The following PLEKHA7 variants were observed in gnomAD, a reference collection of about 807,000 sequenced individuals.
PLEKHA7 encodes the protein pleckstrin homology domain-containing family A member 7.
PLEKHA7 carries 104 observed loss-of-function variants against 170.0 expected under a neutral mutation model. The ratio of observed to expected loss-of-function variants is 0.61; its 90% CI spans 0.52 to 0.72. The LOEUF (loss-of-function observed/expected upper bound fraction) is 0.72. Among genes scored for constraint, PLEKHA7 ranks in the 30% least tolerant of loss-of-function variants. PLEKHA7 has a pLI of 0.00. For synonymous variants in PLEKHA7, 648 were observed against 660.8 expected (o/e 0.98, Z 0.30); for missense variants, 1,615 against 1,671.7 (o/e 0.97, Z 0.59).
intron 4 of PLEKHA7, among the ~76,000 whole-genome samples, chr11:16,866,697 G>T (rs1044963185): frequency 6.6e-6 from 1 of 152,200 alleles, no homozygotes; most frequent in Non-Finnish European, 1.5e-5. Flanking sequence ...TGAAGATTTT[G>T]TTTGTTGTTA....
At position 16,838,837 on chromosome 11, in the gene PLEKHA7, C is replaced by A. The variant is rs1851735818; in HGVS notation, c.872+2710G>T. On this transcript the variant is annotated intron_variant, in intron 9 of 26. Transcript: ENST00000531066. ...GAGTAGCTGGGACTACAGGTGCCCACCACCACACTCTGCTAATTTTTCATA... is the reference window on the plus strand; with the variant it reads ...GAGTAGCTGGGACTACAGGTGCCCAACACCACACTCTGCTAATTTTTCATA... 4.6e-5 allele frequency among the ~76,000 whole-genome samples: 7 copies of A among 152,066 alleles called. No individual in the cohort carries two copies. In the South Asian group the frequency reaches 1.5e-3, roughly 32 times the overall value.
chr11:16,791,444 G>C lies in PLEKHA7; in HGVS notation c.2746-245C>G, dbSNP rs1847849172. ...TCCTCCAAGTGTTACCTGTATAACT[G>C]TGTCCTGAAACCCAGGACTCAGGTC... is the stretch of plus-strand genomic sequence containing the variant. On this transcript the variant is annotated intron_variant, in intron 19 of 26. Coordinates refer to ENST00000531066, the MANE Select transcript of PLEKHA7 (RefSeq NM_001329630.2). The surrounding 1 kb of genome is among the most constrained non-coding windows in gnomAD (Gnocchi z 4.5). 4.8e-6 allele frequency: 3 copies of C among 625,716 alleles called. No individual in the cohort carries two copies. The African/African-American group carries it at 5.4e-5, about 11-fold the overall frequency. The allele number at this position is 625,716 out of a possible 1,614,324, so 38.8% of individuals were successfully genotyped here.
intron 26 of PLEKHA7, among the ~76,000 whole-genome samples, chr11:16,779,616 C>T (rs1383400407): frequency 2.0e-5 from 3 of 152,196 alleles, no homozygotes; most frequent in East Asian, 3.9e-4. Flanking sequence ...TCCTCAACCA[C>T]GGGGCCTCTA....
chr11:16,897,354 T>C (rs1020939223), intron 3 of PLEKHA7, among the ~76,000 whole-genome samples: 1 of 152,080 alleles, frequency 6.6e-6, no homozygotes, highest in African/African-American at 2.4e-5. Flanking sequence ...CCCATCACAT[T>C]ACCCAGCTGC....
At chr11:17,002,692 GT>G (rs931466869) in intron 3 of PLEKHA7, among the ~76,000 whole-genome samples, 51 of 152,278 alleles carry the variant, frequency 3.3e-4, no homozygotes, top group African/African-American at 1.1e-3. Flanking sequence ...CACCTGTGAC[GT>G]GAGACGTGCC....
At chr11:16,802,847 A>ATTTTTTTTT in intron 15 of PLEKHA7, 125 bp downstream of exon 15, 1 of 865,078 alleles carries the variant, frequency 1.2e-6, no homozygotes, top group African/African-American at 1.7e-5. Flanking sequence ...CACCTGGTGC[A>ATTTTTTTTT]TTTTTTTTTA....
At chr11:16,816,370 C>T in intron 11 of PLEKHA7, 106 bp from the exon 12 acceptor site, 1 of 769,098 alleles carries the variant, frequency 1.3e-6, no homozygotes, top group Non-Finnish European at 2.3e-6. Context: ...GACTTCTCAT[C>T]TATGAAATGA....
intron 3 of PLEKHA7, among the ~76,000 whole-genome samples, chr11:17,011,147 C>A (rs1435364884): frequency 6.6e-6 from 1 of 152,212 alleles, no homozygotes; most frequent in African/African-American, 2.4e-5. Context: ...CAGAGTCCCA[C>A]ACGCGGCCTC....
intron 4 of PLEKHA7, among the ~76,000 whole-genome samples, chr11:16,861,369 A>C (rs986115335): frequency 6.6e-6 from 1 of 152,014 alleles, no homozygotes; most frequent in Non-Finnish European, 1.5e-5. Flanking sequence ...AAATTAAAAA[A>C]AAAAAAAAAA....
chr11:16,972,584 C>CT (rs1003322375), intron 3 of PLEKHA7, among the ~76,000 whole-genome samples: 3 of 151,468 alleles, frequency 2.0e-5, no homozygotes, highest in Admixed American at 6.6e-5. Context: ...CTATTTTTTT[C>CT]TTTTTTTTCA....
chr11:16,913,300 A>T (rs919459200), intron 3 of PLEKHA7, among the ~76,000 whole-genome samples: 3 of 152,030 alleles, frequency 2.0e-5, no homozygotes, highest in Non-Finnish European at 1.5e-5. Flanking sequence ...GGAGAGTGCC[A>T]CTCTGAATGC....
chr11:16,943,529 T>TA (rs1860828167), intron 3 of PLEKHA7, among the ~76,000 whole-genome samples: 1 of 152,238 alleles, frequency 6.6e-6, no homozygotes, highest in African/African-American at 2.4e-5. Flanking sequence ...CACAGCCTCT[T>TA]ACTCCTTATT....
At chr11:16,836,844 G>C (rs1453922888) in intron 9 of PLEKHA7, among the ~76,000 whole-genome samples, 2 of 149,910 alleles carry the variant, frequency 1.3e-5, no homozygotes, top group African/African-American at 4.9e-5. Flanking sequence ...TTGTTTTTGA[G>C]ACAAAGTCTC....
intron 3 of PLEKHA7, among the ~76,000 whole-genome samples, chr11:16,921,823 C>T (rs1249227266): frequency 6.6e-6 from 1 of 152,214 alleles, no homozygotes; most frequent in Non-Finnish European, 1.5e-5. Flanking sequence ...ATAAGAACAA[C>T]TGTGTGAGGC....
intron 4 of PLEKHA7, among the ~76,000 whole-genome samples, chr11:16,859,645 AAG>A (rs1853773289): frequency 6.6e-6 from 1 of 152,246 alleles, no homozygotes; most frequent in South Asian, 2.1e-4. Flanking sequence ...GTTTCCCATT[AAG>A]AGCCTGGTGG....
At chr11:16,858,421 T>A (rs1434566982) in intron 4 of PLEKHA7, among the ~76,000 whole-genome samples, 2 of 152,188 alleles carry the variant, frequency 1.3e-5, no homozygotes, top group Admixed American at 1.3e-4. Context: ...ACCGTCTGGA[T>A]TTGTGACTGG....
At chr11:16,889,658 T>G (rs1047741967) in intron 3 of PLEKHA7, among the ~76,000 whole-genome samples, 1 of 151,990 alleles carries the variant, frequency 6.6e-6, no homozygotes, top group Non-Finnish European at 1.5e-5. Context: ...ATTGGCTTTA[T>G]GTGAAACGTC....
Position 16,778,673 on chromosome 11 carries a change from C to T in PLEKHA7, c.*325G>A, listed in dbSNP as rs1026770977. ...GTACCTGAATCTGTACGTGCAGCTG[C>T]AAAGTCCTGCATCCTCAACCTTCCT... On this transcript the variant is annotated 3_prime_UTR_variant, in exon 27 of 27. Transcript: ENST00000531066. 1 of 400,472 alleles carries T rather than the reference C, an allele frequency of 2.5e-6. No homozygotes were observed. The highest frequency in any genetic ancestry group is 4.7e-6 in the Non-Finnish European group (1 of 214,530). 24.8% of individuals were successfully genotyped at this position (400,472 alleles called of 1,614,324 possible). A position where few individuals can be genotyped will look rare whatever the true frequency, so the allele number is the denominator to read the frequency against.
intron 3 of PLEKHA7, among the ~76,000 whole-genome samples, chr11:16,992,144 G>C (rs1220341298): frequency 6.6e-6 from 1 of 152,182 alleles, no homozygotes; most frequent in Non-Finnish European, 1.5e-5. Flanking sequence ...AAAGCTACGT[G>C]ACTCTGTGTG....
Sources: allele counts gnomAD v4.1 joint callset (sites outside exome capture counted in the v4.1 genomes callset), GRCh38; gene constraint gnomAD v4.1.1; non-coding constraint Gnocchi (gnomAD v3.1); transcripts MANE v1.5; gene names NCBI Gene and HGNC (gene_info 2026-07-23, HGNC 2026-07-21).